The following SFRP4 variants were observed in gnomAD, a reference collection of about 807,000 sequenced individuals.
SFRP4 encodes secreted frizzled related protein 4.
A neutral mutation model predicts 36.3 loss-of-function variants in SFRP4; 25 were observed. The ratio of observed to expected loss-of-function variants is 0.69; its 90% CI spans 0.50 to 0.96. The LOEUF is 0.96. Ranked by LOEUF, SFRP4 falls within the 40% of genes least tolerant of loss-of-function variation. The pLI is 0.00. For missense variants in SFRP4, 487 were observed against 459.6 expected, an observed-to-expected ratio of 1.06 and a Z score of -0.54; for synonymous variants, 182 against 168.8, an observed-to-expected ratio of 1.08 and a Z score of -0.60.
chr7:37,914,165 T>C (rs1478602486), intron 3 of SFRP4, 48 bp downstream of exon 3: 2 of 1,416,078 alleles, frequency 1.4e-6, no homozygotes, highest in Non-Finnish European at 2.0e-6. Context: ...ATTCCAGCTT[T>C]GTAATGAACC....
In SFRP4 at chr7:37,916,666, A is replaced by G; in HGVS notation, c.-129T>C. 2 of 1,344,784 alleles carry G rather than the reference A, an allele frequency of 1.5e-6. No individual in the cohort carries two copies. Among genetic ancestry groups the G allele is most frequent in the Non-Finnish European group, 2.0e-6 (2 of 1,012,850 alleles). The allele number at this position is 1,344,784 out of a possible 1,614,324, so 83.3% of individuals were successfully genotyped here. On this transcript the variant is annotated 5_prime_UTR_variant, in exon 1 of 6. Coordinates refer to ENST00000436072, the MANE Select transcript of SFRP4 (RefSeq NM_003014.4). The surrounding 1 kb of genome is among the most constrained non-coding windows in gnomAD (Gnocchi z 4.1). The stretch of plus-strand genomic sequence containing the variant: ...GGCGCAGGAGAGTTTCTTCCCCCAA[A>G]CTCCAGTCGGCAGCAAAGCGGGGCC...
At chr7:37,914,659 G>A (rs1286557101) in intron 1 of SFRP4, among the ~76,000 whole-genome samples, 3 of 152,242 alleles carry the variant, frequency 2.0e-5, no homozygotes, top group Non-Finnish European at 4.4e-5. Flanking sequence ...GAGGTCAGGA[G>A]TTTGAGACCA....
Position 37,915,927 on chromosome 7 carries a change from T to C in SFRP4, c.445+166A>G, listed in dbSNP as rs966088780. On this transcript the variant is annotated intron_variant, in intron 1 of 5. Transcript: ENST00000436072. The stretch of plus-strand genomic sequence containing the variant: ...TCTCCGCTAGCTCCTAAAATTCCTA[T>C]GGGAGAAACCAGACTTTTTCTGAAG... Among the ~76,000 whole-genome samples, 8 of 152,270 alleles carry C rather than the reference T, an allele frequency of 5.3e-5. No homozygotes were observed. The East Asian group carries it at 5.8e-4, about 11-fold the overall frequency.
rs1360467448 is a variant in SFRP4 at position 37,906,487 on chromosome 7, A to T, written c.*992T>A. Reference sequence around the variant, plus strand: ...GGAACCTCAACTTTCCTCTCTGTACATTTATATTTAACTCCTCTCACATGT... The same window carrying T: ...GGAACCTCAACTTTCCTCTCTGTACTTTTATATTTAACTCCTCTCACATGT... On this transcript the variant is annotated 3_prime_UTR_variant, in exon 6 of 6. Coordinates refer to ENST00000436072, the MANE Select transcript of SFRP4 (RefSeq NM_003014.4). 6.6e-6 allele frequency: 1 copy of T among 152,166 alleles called. No individual in the cohort carries two copies. The highest frequency in any genetic ancestry group is 1.5e-5 in the Non-Finnish European group (1 of 68,020). The allele number at this position is 152,166 out of a possible 1,614,324, so 9.4% of individuals were successfully genotyped here.
intron 3 of SFRP4, 98 bp downstream of exon 3, chr7:37,914,115 T>A: frequency 2.2e-6 from 2 of 908,558 alleles, no homozygotes; most frequent in Non-Finnish European, 3.5e-6. Flanking sequence ...TTTGTTTTCT[T>A]TACTTTGTGA....
chr7:37,916,609 G>T lies in SFRP4; in HGVS notation c.-72C>A. 6.5e-7 allele frequency: 1 copy of T among 1,531,450 alleles called. No homozygotes were observed. The highest frequency in any genetic ancestry group is 1.9e-5 in the Admixed American group (1 of 51,500). 94.9% of individuals were successfully genotyped at this position (1,531,450 alleles called of 1,614,324 possible). A position where few individuals can be genotyped will look rare whatever the true frequency, so the allele number is the denominator to read the frequency against. On this transcript the variant is annotated 5_prime_UTR_variant, in exon 1 of 6. Transcript: ENST00000436072. The surrounding 1 kb of genome is among the most constrained non-coding windows in gnomAD (Gnocchi z 4.1). ...TCTCTTCCTGCCACCCTCATCTTTC[G>T]CTGTCCCTTCGCCGAGGAAGAAATC... is the stretch of plus-strand genomic sequence containing the variant.
Position 37,907,536 on chromosome 7 carries a change from G to C in SFRP4, c.984C>G (p.Pro328=). 1 of 1,613,846 alleles carries C rather than the reference G, an allele frequency of 6.2e-7. No individual in the cohort carries two copies. Among genetic ancestry groups the C allele is most frequent in the South Asian group, 1.1e-5 (1 of 91,066 alleles). The change falls in exon 6 of 6, where the codon CCC becomes CCG. Residue 328 remains proline (P), a synonymous_variant. Coordinates refer to ENST00000436072, the MANE Select transcript of SFRP4 (RefSeq NM_003014.4). ...CACTCCTAGTTTTAATGTTCTTCTT[G>C]GGACTGGCTGGTTTGGGAGCAGGAG... is the stretch of plus-strand genomic sequence containing the variant. ...GKPPAPKPAS[P]KKNIKTRSAQ...
Position 37,916,436 on chromosome 7 carries a change from G to C in SFRP4, c.102C>G (p.His34Gln). 6.2e-7 allele frequency: 1 copy of C among 1,614,026 alleles called. No individual in the cohort carries two copies. The highest frequency in any genetic ancestry group is 8.5e-7 in the Non-Finnish European group (1 of 1,179,932). Reference protein sequence around the residue: ...CEAVRIPMCRHMPWNITRMPN... With the variant: ...CEAVRIPMCRQMPWNITRMPN... ...GCATCCGCGTGATGTTCCAGGGCAT[G>C]TGCCGGCACATAGGGATGCGCACCG... Residue 34 changes from histidine (H) to glutamine (Q), a missense_variant, in exon 1 of 6, where the codon CAC becomes CAG. Transcript: ENST00000436072. The surrounding 1 kb of genome is among the most constrained non-coding windows in gnomAD (Gnocchi z 4.1).
At chr7:37,914,882 CA>C (rs1258667350) in intron 1 of SFRP4, among the ~76,000 whole-genome samples, 4 of 152,084 alleles carry the variant, frequency 2.6e-5, no homozygotes, top group African/African-American at 9.7e-5. Context: ...GAAAACAAGA[CA>C]AAAAATATTT....
rs765640507 is a variant in SFRP4 at position 37,916,240 on chromosome 7, C to A, written c.298G>T (p.Val100Leu). Reference protein sequence around the residue: ...LHDPIKPCKSVCQRARDDCEP... With the variant: ...LHDPIKPCKSLCQRARDDCEP... Reference sequence around the variant, plus strand: ...CAGTCGTCGCGCGCGCGTTGGCACACCGACTTGCACGGCTTGATAGGGTCG... The same window carrying A: ...CAGTCGTCGCGCGCGCGTTGGCACAACGACTTGCACGGCTTGATAGGGTCG... The change falls in exon 1 of 6, where the codon GTG becomes TTG. Residue 100 changes from valine to leucine, a missense_variant. Coordinates refer to ENST00000436072, the MANE Select transcript of SFRP4 (RefSeq NM_003014.4). This position sits in a 1 kb window ranked among gnomAD's most constrained non-coding sequence, Gnocchi z 4.1. 1.2e-6 allele frequency: 2 copies of A among 1,614,080 alleles called. No homozygotes were observed. Among genetic ancestry groups the A allele is most frequent in the East Asian group, 4.5e-5 (2 of 44,890 alleles).
At chr7:37,912,501 T>C (rs1333318830) in intron 3 of SFRP4, among the ~76,000 whole-genome samples, 184 bp from the exon 4 acceptor site, 1 of 152,152 alleles carries the variant, frequency 6.6e-6, no homozygotes, top group African/African-American at 2.4e-5. Flanking sequence ...GTGTCCTATA[T>C]TGTCAACATT....
chr7:37,915,997 G>C, intron 1 of SFRP4, 96 bp downstream of exon 1: 1 of 1,499,206 alleles, frequency 6.7e-7, no homozygotes, highest in Non-Finnish European at 8.9e-7. Flanking sequence ...AGCCTCAGAC[G>C]CCCCTGGCAG....
rs1785586500 is a variant in SFRP4 at position 37,916,685 on chromosome 7, C to T, written c.-148G>A. The T allele has an allele frequency of 6.5e-6, 8 of 1,224,098 alleles. No individual in the cohort carries two copies. The highest frequency in any genetic ancestry group is 2.6e-5 in the East Asian group (1 of 38,990). 75.8% of individuals were successfully genotyped at this position (1,224,098 alleles called of 1,614,324 possible). On this transcript the variant is annotated 5_prime_UTR_variant, in exon 1 of 6. Transcript: ENST00000436072. This position sits in a 1 kb window ranked among gnomAD's most constrained non-coding sequence, Gnocchi z 4.1. ...CCCCAAACTCCAGTCGGCAGCAAAGCGGGGCCGCGGGGTCCGGCCGCGGAG... is the reference window on the plus strand; with the variant it reads ...CCCCAAACTCCAGTCGGCAGCAAAGTGGGGCCGCGGGGTCCGGCCGCGGAG...
In SFRP4 at chr7:37,907,418, G is replaced by T; in HGVS notation, c.*61C>A. On this transcript the variant is annotated 3_prime_UTR_variant, in exon 6 of 6. Coordinates refer to ENST00000436072, the MANE Select transcript of SFRP4 (RefSeq NM_003014.4). ...ACATGGCCTTACATAGGCTGTCCCA[G>T]GCAATGCCCAGCCTCATCCTGTAAG... is the stretch of plus-strand genomic sequence containing the variant. 6.8e-7 allele frequency: 1 copy of T among 1,460,560 alleles called. No individual in the cohort carries two copies. The highest frequency in any genetic ancestry group is 9.4e-7 in the Non-Finnish European group (1 of 1,061,376). 90.5% of individuals were successfully genotyped at this position (1,460,560 alleles called of 1,614,324 possible).
At chr7:37,915,932 G>A (rs997583219) in intron 1 of SFRP4, among the ~76,000 whole-genome samples, 161 bp downstream of exon 1, 1 of 151,994 alleles carries the variant, frequency 6.6e-6, no homozygotes, top group African/African-American at 2.4e-5. Context: ...TCCTATGGGA[G>A]AAACCAGACT....
At chr7:37,908,227 T>C (rs1057351226) in intron 5 of SFRP4, among the ~76,000 whole-genome samples, 4 of 152,192 alleles carry the variant, frequency 2.6e-5, no homozygotes, top group East Asian at 1.9e-4. Flanking sequence ...TCCAGAACCA[T>C]TGGGAATTGA....
chr7:37,907,676 T>C lies in SFRP4; in HGVS notation c.856-12A>G, dbSNP rs368083798. ...CTCTCTTCCCACTGCTGAAAAGCAA[T>C]TTGTAAACATGACTGTCAAATTATC... On this transcript the variant is annotated splice_polypyrimidine_tract_variant and intron_variant, in intron 5 of 5. Coordinates refer to ENST00000436072, the MANE Select transcript of SFRP4 (RefSeq NM_003014.4). 1.9e-6 allele frequency: 3 copies of C among 1,594,218 alleles called. No individual in the cohort carries two copies. The highest frequency in any genetic ancestry group is 2.6e-6 in the Non-Finnish European group (3 of 1,169,574).
Position 37,914,205 on chromosome 7 carries a change from CG to C in SFRP4, c.592+7del. ...CTCAAAAGTAAATGGCTTTAACAGA[CG>C]ACTTACCATAGCTGTAGTTTTTGCT... On this transcript the variant is annotated splice_region_variant and intron_variant, in intron 3 of 5. Coordinates refer to ENST00000436072, the MANE Select transcript of SFRP4 (RefSeq NM_003014.4). The C allele has an allele frequency of 6.2e-7, 1 of 1,610,774 alleles. No homozygotes were observed.
At chr7:37,913,994 T>C (rs1445985979) in intron 3 of SFRP4, among the ~76,000 whole-genome samples, 1 of 152,244 alleles carries the variant, frequency 6.6e-6, no homozygotes, top group African/African-American at 2.4e-5. Context: ...ATCACCTGGG[T>C]CATTTCCTTT....
Sources: allele counts gnomAD v4.1 joint callset (sites outside exome capture counted in the v4.1 genomes callset), GRCh38; gene constraint gnomAD v4.1.1; non-coding constraint Gnocchi (gnomAD v3.1); transcripts MANE v1.5; gene names NCBI Gene and HGNC (gene_info 2026-07-23, HGNC 2026-07-21).